WNT2B: variants seen among roughly 807,000 people sequenced by gnomAD.
WNT2B encodes Wnt family member 2B.
WNT2B carries 19 observed loss-of-function variants against 40.5 expected under a neutral mutation model. The ratio of observed to expected loss-of-function variants is 0.47; its 90% CI spans 0.33 to 0.69. The LOEUF (loss-of-function observed/expected upper bound fraction) is 0.69, where lower values mean the gene tolerates loss of function less well. Among genes scored for constraint, WNT2B ranks in the 30% least tolerant of loss-of-function variants. The pLI is 0.02. For synonymous variants in WNT2B, 220 were observed against 211.9 expected (o/e 1.04, Z -0.33); for missense variants, 467 against 556.4 (o/e 0.84, Z 1.62).
intron 1 of WNT2B, among the ~76,000 whole-genome samples, chr1:112,487,537 C>A (rs999659361): frequency 6.6e-6 from 1 of 152,134 alleles, no homozygotes; most frequent in African/African-American, 2.4e-5. Flanking sequence ...CTAACACAAT[C>A]CCTATTTTAT....
chr1:112,517,342 C>T lies in WNT2B; in HGVS notation c.903C>T (p.Tyr301=). The stretch of plus-strand genomic sequence containing the variant: ...GTGCCACCCGGACTGATCTTGTCTA[C>T]TTTGACAACTCTCCAGATTACTGTG... ...YRRATRTDLV[Y]FDNSPDYCVL... The change falls in exon 4 of 5, where the codon TAC becomes TAT. Residue 301 remains tyrosine, a synonymous_variant. Transcript: ENST00000369684. 2.5e-6 allele frequency: 4 copies of T among 1,612,624 alleles called. No homozygotes were observed. Among genetic ancestry groups the T allele is most frequent in the African/African-American group, 1.3e-5 (1 of 75,044 alleles).
In WNT2B at chr1:112,499,758, G is replaced by A. The variant is rs1397930824; in HGVS notation, c.-94-15116G>A. Among the ~76,000 whole-genome samples, 3 of 152,272 alleles carry A rather than the reference G, an allele frequency of 2.0e-5. No individual in the cohort carries two copies. The East Asian group carries it at 5.8e-4, about 29-fold the overall frequency. On this transcript the variant is annotated intron_variant, in intron 1 of 4. Coordinates refer to the WNT2B transcript ENST00000256640. The stretch of plus-strand genomic sequence containing the variant: ...ACTCAGGTTGCTATGCAGGGGTGAA[G>A]GTATTTCATCAGAAAGAAAAATAAC...
chr1:112,483,845 C>T (rs1651312856), intron 1 of WNT2B, among the ~76,000 whole-genome samples: 1 of 147,988 alleles, frequency 6.8e-6, no homozygotes, highest in South Asian at 2.1e-4. Flanking sequence ...TTAAAATGAG[C>T]AAAGGACCTG....
chr1:112,478,258 A>G (rs1333285773), intron 1 of WNT2B, among the ~76,000 whole-genome samples: 1 of 152,116 alleles, frequency 6.6e-6, no homozygotes, highest in Non-Finnish European at 1.5e-5. Context: ...AAAATAAAAA[A>G]GAAAAAGTAG....
In WNT2B at chr1:112,509,669, C is replaced by T. The variant is rs1409463200; in HGVS notation, c.182+225C>T. Among the ~76,000 whole-genome samples, 1 of 152,182 alleles carries T rather than the reference C, an allele frequency of 6.6e-6. No individual in the cohort carries two copies. Among genetic ancestry groups the T allele is most frequent in the African/African-American group, 2.4e-5 (1 of 41,448 alleles). ...GCTGGGCATTCGGAGCAAGGATGCCCGGTGGTCGCGGCTCCTTAGGCCTCC... is the reference window on the plus strand; with the variant it reads ...GCTGGGCATTCGGAGCAAGGATGCCTGGTGGTCGCGGCTCCTTAGGCCTCC... On this transcript the variant is annotated intron_variant, in intron 1 of 4. Transcript: ENST00000369684. This position sits in a 1 kb window ranked among gnomAD's most constrained non-coding sequence, Gnocchi z 4.2.
In WNT2B at chr1:112,520,445, G is replaced by C; in HGVS notation, c.1112G>C (p.Arg371Thr). 6.2e-7 allele frequency: 1 copy of C among 1,614,182 alleles called. No homozygotes were observed. The highest frequency in any genetic ancestry group is 1.3e-5 in the African/African-American group (1 of 75,030). The change falls in exon 5 of 5, where the codon AGA becomes ACA. Residue 371 changes from arginine (R) to threonine (T), a missense_variant. By Grantham distance (71) the Arg-to-Thr change is moderately conservative. This residue lies in a region of WNT2B where 330 missense variants were observed against 438.6 expected (regional missense o/e 0.75). Transcript: ENST00000369684. ...TGTGCTGTACGGTGCAAGGAATGCAGAAATACTGTGGACGTCCATACTTGC... is the reference window on the plus strand; with the variant it reads ...TGTGCTGTACGGTGCAAGGAATGCACAAATACTGTGGACGTCCATACTTGC... The part of the protein sequence containing the change: ...WCCAVRCKEC[R>T]NTVDVHTCKA...
At chr1:112,483,179 G>GGT (rs1651281867) in intron 1 of WNT2B, among the ~76,000 whole-genome samples, 1 of 99,874 alleles carries the variant, frequency 1.0e-5, no homozygotes, top group African/African-American at 3.6e-5. Context: ...GGGCAACATA[G>GGT]ATACACACAC....
chr1:112,471,552 A>G (rs1650881027), intron 1 of WNT2B, among the ~76,000 whole-genome samples: 1 of 152,112 alleles, frequency 6.6e-6, no homozygotes, highest in Non-Finnish European at 1.5e-5. Flanking sequence ...TTGAACCCCT[A>G]TCTCAGTTTT....
At chr1:112,466,973 G>A (rs1650727449) in exon 1 of WNT2B, 1 of 152,710 alleles carries the variant, frequency 6.5e-6, no homozygotes, top group Non-Finnish European at 1.5e-5. Flanking sequence ...TTAGGTGCTG[G>A]TGGGAGAGAC....
chr1:112,492,817 G>A (rs979909742), intron 1 of WNT2B, among the ~76,000 whole-genome samples: 1 of 152,198 alleles, frequency 6.6e-6, no homozygotes, highest in African/African-American at 2.4e-5. Context: ...AGGAGTGGAA[G>A]GATTGAGAAG....
chr1:112,505,905 G>A (rs529132554), upstream of WNT2B, among the ~76,000 whole-genome samples: 61 of 152,142 alleles, frequency 4.0e-4, no homozygotes, highest in Non-Finnish European at 6.3e-4. Flanking sequence ...GAGAAGTCTA[G>A]TCCCCTCACC....
At chr1:112,483,769 A>C (rs4517345) in intron 1 of WNT2B, among the ~76,000 whole-genome samples, 1,473 of 126,292 alleles carry the variant, frequency 0.012, 19 homozygotes, top group African/African-American at 0.039. Flanking sequence ...GAACTCATAC[A>C]ACTGAATAAC....
chr1:112,475,755 A>G (rs1449212073), intron 1 of WNT2B, among the ~76,000 whole-genome samples: 1 of 152,190 alleles, frequency 6.6e-6, no homozygotes, highest in Non-Finnish European at 1.5e-5. Context: ...ATCTATAAGA[A>G]GGAAAGAAGA....
intron 1 of WNT2B, among the ~76,000 whole-genome samples, chr1:112,495,463 C>T (rs1383409063): frequency 6.6e-6 from 1 of 152,096 alleles, no homozygotes; most frequent in East Asian, 1.9e-4. Flanking sequence ...GTGGCGAGTG[C>T]CTATAGTCCC....
chr1:112,498,858 A>G (rs541873920), intron 1 of WNT2B, among the ~76,000 whole-genome samples: 69 of 152,232 alleles, frequency 4.5e-4, no homozygotes, highest in Admixed American at 9.2e-4. Context: ...CACCAATGTA[A>G]GTTTTTCCAT....
chr1:112,520,374 T>G lies in WNT2B; in HGVS notation c.1041T>G (p.Thr347=), dbSNP rs763616947. The G allele has an allele frequency of 5.6e-6, 9 of 1,614,034 alleles. 1 individual carries two copies. The South Asian group carries it at 9.9e-5, about 18-fold the overall frequency. ...IMCCGRGYDT[T]RVTRVTQCEC... is the part of the protein sequence containing the mutation. ...GCTGTGGCCGAGGGTACGACACAAC[T>G]CGAGTCACCCGTGTTACCCAGTGTG... Residue 347 remains threonine (T), a synonymous_variant, in exon 5 of 5, where the codon ACT becomes ACG. Transcript: ENST00000369684.
intron 1 of WNT2B, among the ~76,000 whole-genome samples, chr1:112,474,505 A>G (rs1345744270): frequency 6.6e-6 from 1 of 152,208 alleles, no homozygotes; most frequent in Non-Finnish European, 1.5e-5. Context: ...AGATGAACAA[A>G]CATAAAAGAA....
intron 1 of WNT2B, chr1:112,490,920 C>A (rs1651582349): frequency 2.2e-6 from 3 of 1,341,762 alleles, no homozygotes; most frequent in South Asian, 1.2e-5. Flanking sequence ...ATAGCTCTAC[C>A]CTAAATAAAT....
chr1:112,505,644 C>T (rs1652084948), upstream of WNT2B, among the ~76,000 whole-genome samples: 1 of 152,234 alleles, frequency 6.6e-6, no homozygotes, highest in Admixed American at 6.5e-5. Flanking sequence ...TGTCTAGGAC[C>T]TTGAGACTGG....
Sources: allele counts gnomAD v4.1 joint callset (sites outside exome capture counted in the v4.1 genomes callset), GRCh38; gene constraint gnomAD v4.1.1; regional missense constraint gnomAD v4.1.1; non-coding constraint Gnocchi (gnomAD v3.1); transcripts MANE v1.5; gene names NCBI Gene and HGNC (gene_info 2026-07-23, HGNC 2026-07-21).